Variants in SPATA31H1 observed in about 807,000 individuals in gnomAD.
SPATA31H1 encodes SPATA31 subfamily H member 1, also known as spermatogenesis-associated protein 31H1.
At chr2:27,558,760 G>A in the SPATA31H1 span, among the ~76,000 whole-genome samples, 1 of 91,616 alleles carries the variant, frequency 1.1e-5, no homozygotes. Context: ...AACCAGTCAG[G>A]CGTGGCGGTG....
At chr2:27,555,480 T>C in the SPATA31H1 span, among the ~76,000 whole-genome samples, 1 of 151,436 alleles carries the variant, frequency 6.6e-6, no homozygotes, top group Non-Finnish European at 1.5e-5. Flanking sequence ...GAGACCAGCA[T>C]GGGAAACACA....
At chr2:27,539,184 T>C in the SPATA31H1 span, among the ~76,000 whole-genome samples, 2 of 142,120 alleles carry the variant, frequency 1.4e-5, no homozygotes, top group Non-Finnish European at 3.0e-5. Context: ...CATAGGACAA[T>C]AGTGGAGGGA....
At chr2:27,539,120 TTTTTTTAA>T in the SPATA31H1 span, among the ~76,000 whole-genome samples, 1 of 135,372 alleles carries the variant, frequency 7.4e-6, no homozygotes, top group African/African-American at 3.3e-5. Context: ...TTTTTTTTTT[TTTTTTTAA>T]TTGATCATTC....
the SPATA31H1 span, chr2:27,537,487 T>C: frequency 1.4e-6 from 1 of 717,432 alleles, no homozygotes; most frequent in East Asian, 2.7e-5. Context: ...TCTATTATTG[T>C]TTGTTTTTTT....
At chr2:27,539,270 G>A in the SPATA31H1 span, among the ~76,000 whole-genome samples, 1 of 150,376 alleles carries the variant, frequency 6.6e-6, no homozygotes, top group Non-Finnish European at 1.5e-5. Context: ...CCGGCCTTCC[G>A]CAGTGTTTGT....
the SPATA31H1 span, among the ~76,000 whole-genome samples, chr2:27,541,425 G>A: frequency 2.0e-5 from 3 of 151,728 alleles, no homozygotes; most frequent in African/African-American, 7.3e-5. Context: ...AGGGGAGAGG[G>A]GAGAGGGAGA....
chr2:27,572,456 G>T, the SPATA31H1 span: 1 of 398,148 alleles, frequency 2.5e-6, no homozygotes, highest in African/African-American at 2.1e-5. Flanking sequence ...TGGGAGATAT[G>T]ATAGCATCTA....
chr2:27,577,840 A>C, the SPATA31H1 span: 1 of 1,614,194 alleles, frequency 6.2e-7, no homozygotes, highest in Non-Finnish European at 8.5e-7. The surrounding 1 kb of genome is among the most constrained non-coding windows in gnomAD (Gnocchi z 4.5). Flanking sequence ...CCCCTGAAGC[A>C]AACAAGTCAA....
the SPATA31H1 span, chr2:27,566,366 G>A: frequency 5.6e-6 from 4 of 717,348 alleles, no homozygotes; most frequent in African/African-American, 1.7e-5. Context: ...CAGATCTTCC[G>A]ATACCTAGAA....
the SPATA31H1 span, chr2:27,565,440 C>T: frequency 1.4e-6 from 1 of 716,800 alleles, no homozygotes; most frequent in Non-Finnish European, 2.6e-6. Context: ...AATTGTGGGT[C>T]AGCCTTATGA....
the SPATA31H1 span, chr2:27,569,750 T>A: frequency 1.8e-5 from 7 of 398,762 alleles, no homozygotes; most frequent in Non-Finnish European, 2.7e-5. Context: ...AGGATTTGAC[T>A]AAGAGGGAAG....
chr2:27,551,855 T>C, the SPATA31H1 span, among the ~76,000 whole-genome samples: 1 of 151,514 alleles, frequency 6.6e-6, no homozygotes, highest in Non-Finnish European at 1.5e-5. Context: ...TTAGATGGAG[T>C]CTCCCTCTGG....
At chr2:27,539,253 C>T in the SPATA31H1 span, among the ~76,000 whole-genome samples, 23 of 149,760 alleles carry the variant, frequency 1.5e-4, 1 homozygote, top group African/African-American at 5.3e-4. Flanking sequence ...GAGGACCCTG[C>T]GGCCTTCCGG....
chr2:27,550,411 A>ATTTT, the SPATA31H1 span, among the ~76,000 whole-genome samples: 67 of 94,552 alleles, frequency 7.1e-4, 1 homozygote, highest in African/African-American at 1.8e-3. Context: ...TGGGTGTTAA[A>ATTTT]TTTTTTTTTT....
the SPATA31H1 span, chr2:27,572,239 A>C: frequency 7.5e-6 from 3 of 398,388 alleles, no homozygotes; most frequent in African/African-American, 6.2e-5. Flanking sequence ...CCACAGTTGC[A>C]CCAAGTGAAA....
the SPATA31H1 span, chr2:27,570,846 T>C: frequency 7.5e-6 from 3 of 398,798 alleles, no homozygotes; most frequent in African/African-American, 6.2e-5. Flanking sequence ...AGCTGAAGTT[T>C]CCTATAAATT....
the SPATA31H1 span, chr2:27,581,261 G>A: frequency 2.5e-6 from 4 of 1,614,108 alleles, no homozygotes; most frequent in Non-Finnish European, 3.4e-6. Context: ...ACCCCTCTTG[G>A]AGAAACCATC....
the SPATA31H1 span, among the ~76,000 whole-genome samples, chr2:27,544,986 A>G: frequency 6.6e-6 from 1 of 151,556 alleles, no homozygotes; most frequent in African/African-American, 2.4e-5. Context: ...CTGTGATCTT[A>G]TATTTGGAAT....
the SPATA31H1 span, among the ~76,000 whole-genome samples, chr2:27,539,605 A>G: frequency 4.2e-4 from 47 of 111,242 alleles, no homozygotes; most frequent in South Asian, 1.3e-3. Context: ...CATTGTCATC[A>G]TGGCCCATCC....
Sources: allele counts gnomAD v4.1 joint callset (sites outside exome capture counted in the v4.1 genomes callset), GRCh38; gene constraint gnomAD v4.1.1; non-coding constraint Gnocchi (gnomAD v3.1); transcripts MANE v1.5; gene names NCBI Gene and HGNC (gene_info 2026-07-23, HGNC 2026-07-21).